The following ADAMTS12 variants were observed in gnomAD, a reference collection of about 807,000 sequenced individuals.
ADAMTS12 encodes the protein A disintegrin and metalloproteinase with thrombospondin motifs 12.
In ADAMTS12, 118 loss-of-function variants were observed where a neutral mutation model predicts 167.8. The observed-to-expected ratio is 0.70, with a 90% CI of 0.61 to 0.82. The LOEUF (loss-of-function observed/expected upper bound fraction) is 0.82. Among genes scored for constraint, ADAMTS12 ranks in the 40% least tolerant of loss-of-function variants. The probability of loss-of-function intolerance (pLI) is 0.00; values close to 1 mark genes in which losing one functional copy is unlikely to be tolerated. For synonymous variants in ADAMTS12, 704 were observed against 716.9 expected (o/e 0.98, Z 0.29); for missense variants, 1,916 against 1,998.8 (o/e 0.96, Z 0.79).
chr5:33,723,768 TG>T (rs1743883589), intron 3 of ADAMTS12, among the ~76,000 whole-genome samples: 1 of 152,182 alleles, frequency 6.6e-6, no homozygotes, highest in Non-Finnish European at 1.5e-5. Flanking sequence ...GTTGTCAGAT[TG>T]GGGCCAATGA....
intron 15 of ADAMTS12, 71 bp from the exon 16 acceptor site, chr5:33,614,447 C>A: frequency 6.4e-7 from 1 of 1,567,830 alleles, no homozygotes; most frequent in Non-Finnish European, 8.7e-7. Flanking sequence ...GTAAAAACAC[C>A]ACAAAATGTC....
chr5:33,662,572 A>G (rs1456271509), intron 5 of ADAMTS12, among the ~76,000 whole-genome samples: 7 of 152,180 alleles, frequency 4.6e-5, no homozygotes, highest in African/African-American at 9.7e-5. Context: ...CAGGCTGCTG[A>G]CCAGTTAGGA....
chr5:33,785,564 A>T (rs749354687), intron 2 of ADAMTS12, among the ~76,000 whole-genome samples: 13 of 152,160 alleles, frequency 8.5e-5, no homozygotes, highest in Non-Finnish European at 1.8e-4. Context: ...TATTGAAAAG[A>T]TATGCAACAT....
At chr5:33,878,849 A>G (rs184991710) in intron 2 of ADAMTS12, among the ~76,000 whole-genome samples, 52 of 152,344 alleles carry the variant, frequency 3.4e-4, no homozygotes, top group African/African-American at 1.2e-3. Context: ...TTTTAAAGCT[A>G]GCCAGCTAGT....
chr5:33,881,336 A>G lies in ADAMTS12; in HGVS notation c.272T>C (p.Val91Ala). Residue 91 changes from valine (V) to alanine (A), a missense_variant, in exon 2 of 24, where the codon GTG (valine) becomes GCG (alanine). Coordinates refer to ENST00000504830, the MANE Select transcript of ADAMTS12 (RefSeq NM_030955.4). ...CTCCTCGTGAGAAATTCTGTAGTAC[A>G]CCCAGTCCTCTGAGCCATCCAAATC... is the stretch of plus-strand genomic sequence containing the variant. ...KRDLDGSEDW[V>A]YYRISHEEKD... 6.2e-7 allele frequency: 1 copy of G among 1,614,090 alleles called. No homozygotes were observed. Among genetic ancestry groups the G allele is most frequent in the East Asian group, 2.2e-5 (1 of 44,876 alleles).
chr5:33,529,220 C>T (rs1743976681), intron 23 of ADAMTS12, among the ~76,000 whole-genome samples: 1 of 152,154 alleles, frequency 6.6e-6, no homozygotes, highest in Non-Finnish European at 1.5e-5. Flanking sequence ...CCCTTGTTCT[C>T]CTCTAACTAG....
chr5:33,635,608 G>A (rs1223476927), intron 12 of ADAMTS12, among the ~76,000 whole-genome samples: 1 of 152,178 alleles, frequency 6.6e-6, no homozygotes, highest in Non-Finnish European at 1.5e-5. Flanking sequence ...TGTCCACTGA[G>A]GGGGTAGAAA....
chr5:33,686,714 C>G (rs1335808381), intron 3 of ADAMTS12, among the ~76,000 whole-genome samples: 1 of 150,666 alleles, frequency 6.6e-6, no homozygotes, highest in Non-Finnish European at 1.5e-5. Flanking sequence ...CTCTTTCTCT[C>G]AGAGAGAGGA....
intron 7 of ADAMTS12, among the ~76,000 whole-genome samples, chr5:33,654,855 C>T (rs1254406221): frequency 1.4e-5 from 2 of 144,336 alleles, no homozygotes; most frequent in Non-Finnish European, 3.0e-5. Flanking sequence ...ATAGAGAGAA[C>T]AGGCGTATGT....
intron 23 of ADAMTS12, among the ~76,000 whole-genome samples, chr5:33,530,434 G>A (rs1163849550): frequency 4.6e-5 from 7 of 152,210 alleles, no homozygotes; most frequent in South Asian, 2.1e-4. Flanking sequence ...CGGGCTCTGG[G>A]AAGCCCCCTG....
chr5:33,607,001 T>C (rs1738474617), intron 16 of ADAMTS12, among the ~76,000 whole-genome samples: 1 of 152,132 alleles, frequency 6.6e-6, no homozygotes, highest in African/African-American at 2.4e-5. Context: ...TTTTAGAATA[T>C]TAATGGAGAA....
At chr5:33,775,144 T>C (rs945209635) in intron 2 of ADAMTS12, among the ~76,000 whole-genome samples, 2 of 152,124 alleles carry the variant, frequency 1.3e-5, no homozygotes, top group Non-Finnish European at 2.9e-5. Flanking sequence ...AATGTCCAAA[T>C]GCGCAGAGAA....
chr5:33,649,128 A>T (rs1740785493), intron 8 of ADAMTS12, among the ~76,000 whole-genome samples, 162 bp from the exon 9 acceptor site: 2 of 152,234 alleles, frequency 1.3e-5, no homozygotes. Context: ...GGAGTTATTA[A>T]AGAAAATGCA....
At chr5:33,860,032 C>T (rs1293099675) in intron 2 of ADAMTS12, among the ~76,000 whole-genome samples, 6 of 152,108 alleles carry the variant, frequency 3.9e-5, no homozygotes, top group Non-Finnish European at 8.8e-5. Context: ...GACCAAAGGT[C>T]GATAAATCCA....
At chr5:33,530,060 C>G (rs1201716915) in intron 23 of ADAMTS12, among the ~76,000 whole-genome samples, 1 of 151,378 alleles carries the variant, frequency 6.6e-6, no homozygotes, top group Admixed American at 6.6e-5. Flanking sequence ...GTTGGGCCTA[C>G]AGGCATGTGC....
rs141782415 is a variant in ADAMTS12, at chr5:33,786,322, G to C, written c.490-34774C>G. Among the ~76,000 whole-genome samples the C allele has an allele frequency of 8.2e-3, 1,248 of 152,220 alleles. 17 individuals carry two copies. Among genetic ancestry groups the C allele is most frequent in the African/African-American group, 0.028 (1,165 of 41,526 alleles). ...GGTGTGTAAATGATACCTCAATAAG[G>C]CTGTTAAAAACATTTTATAAGAAAA... On this transcript the variant is annotated intron_variant, in intron 2 of 23. Coordinates refer to ENST00000504830, the MANE Select transcript of ADAMTS12 (RefSeq NM_030955.4).
In ADAMTS12 at chr5:33,662,008, C is replaced by G. The variant is rs1253306623; in HGVS notation, c.948G>C (p.Lys316Asn). The G allele has an allele frequency of 6.2e-7, 1 of 1,612,244 alleles. No homozygotes were observed. The highest frequency in any genetic ancestry group is 8.5e-7 in the Non-Finnish European group (1 of 1,179,618). Reference protein sequence around the residue: ...QGLKIVHHAEKTLSSFCKWQK... With the variant: ...QGLKIVHHAENTLSSFCKWQK... ...GCCACTTGCAGAAGCTAGACAGTGTCTTTTCTGCATGGTGAACTATTTTCA... is the reference window on the plus strand; with the variant it reads ...GCCACTTGCAGAAGCTAGACAGTGTGTTTTCTGCATGGTGAACTATTTTCA... Residue 316 changes from lysine to asparagine, a missense_variant, in exon 6 of 24, where the codon AAG (lysine) becomes AAC (asparagine). Coordinates refer to ENST00000504830, the MANE Select transcript of ADAMTS12 (RefSeq NM_030955.4).
At position 33,822,810 on chromosome 5, in the gene ADAMTS12, G is replaced by A. The variant is rs191586094; in HGVS notation, c.489+58309C>T. Reference sequence around the variant, plus strand: ...GCACAGCTCAAGAAAAATATAGGCCGGGAATGGTGGCTCACGCCTGTAATC... The same window carrying A: ...GCACAGCTCAAGAAAAATATAGGCCAGGAATGGTGGCTCACGCCTGTAATC... On this transcript the variant is annotated intron_variant, in intron 2 of 23. Coordinates refer to ENST00000504830, the MANE Select transcript of ADAMTS12 (RefSeq NM_030955.4). 5.5e-3 allele frequency among the ~76,000 whole-genome samples: 844 copies of A among 152,182 alleles called. 4 individuals carry two copies. Among genetic ancestry groups the A allele is most frequent in the African/African-American group, 0.018 (754 of 41,562 alleles).
chr5:33,766,286 T>A lies in ADAMTS12; in HGVS notation c.490-14738A>T, dbSNP rs761183693. Among the ~76,000 whole-genome samples the A allele has an allele frequency of 5.3e-5, 8 of 152,292 alleles. No homozygotes were observed. The East Asian group carries it at 1.5e-3, about 29-fold the overall frequency. ...TAGATATGACATGACCAGAGTGGCA[T>A]GTTATCTCTGCTGTGTTCTTCTCCA... On this transcript the variant is annotated intron_variant, in intron 2 of 23. Coordinates refer to ENST00000504830, the MANE Select transcript of ADAMTS12 (RefSeq NM_030955.4).
Sources: gnomAD v4.1 joint callset for allele counts (sites outside exome capture counted in the v4.1 genomes callset) on GRCh38, gnomAD v4.1.1 for gene constraint, MANE v1.5 for transcripts, NCBI Gene and HGNC (gene_info 2026-07-23, HGNC 2026-07-21) for gene names.